Variants in TRMT44 observed in about 807,000 individuals in gnomAD.
TRMT44 encodes the protein tRNA methyltransferase 44 homolog.
In TRMT44, 78 loss-of-function variants were observed where a neutral mutation model predicts 77.3. The observed-to-expected ratio is 1.01, with a 90% confidence interval of 0.84 to 1.22. The LOEUF is 1.22. Ranked by LOEUF, TRMT44 falls within the 50% of genes most tolerant of loss-of-function variation. The pLI is 0.00. For missense variants in TRMT44, 1,090 were observed against 964.4 expected (o/e 1.13, Z -1.73); for synonymous variants, 391 against 383.3 (o/e 1.02, Z -0.23).
At chr4:8,464,784 G>C (rs926327647) in intron 7 of TRMT44, among the ~76,000 whole-genome samples, 1 of 152,176 alleles carries the variant, frequency 6.6e-6, no homozygotes, top group African/African-American at 2.4e-5. Flanking sequence ...AAAGTAATTA[G>C]ATTCTATTGA....
chr4:8,505,659 G>A, the TRMT44 span, among the ~76,000 whole-genome samples: 41 of 152,366 alleles, frequency 2.7e-4, no homozygotes, highest in African/African-American at 9.6e-4. Flanking sequence ...TTCAGATGAG[G>A]AAGCAGAGAC....
At chr4:8,465,598 C>T (rs371546668) in intron 8 of TRMT44, 37 bp downstream of exon 8, 136 of 1,568,420 alleles carry the variant, frequency 8.7e-5, no homozygotes, top group Non-Finnish European at 9.0e-5. Context: ...GGCGGTGTGT[C>T]GGTGTTCAGA....
chr4:8,493,820 G>A (rs1728081678), downstream of TRMT44, among the ~76,000 whole-genome samples: 1 of 151,848 alleles, frequency 6.6e-6, no homozygotes, highest in Non-Finnish European at 1.5e-5. Flanking sequence ...AGCTCTGGTG[G>A]AATGGGACCT....
intron 9 of TRMT44, among the ~76,000 whole-genome samples, chr4:8,470,139 G>C (rs1215549477): frequency 1.3e-5 from 2 of 152,256 alleles, no homozygotes; most frequent in Admixed American, 6.5e-5. Flanking sequence ...GGCTGACTGG[G>C]ACAATATGTG....
At chr4:8,453,230 T>A (rs944492442) in intron 5 of TRMT44, among the ~76,000 whole-genome samples, 3 of 152,210 alleles carry the variant, frequency 2.0e-5, no homozygotes, top group African/African-American at 7.2e-5. Context: ...CATGGACCTA[T>A]AAAATGACAG....
chr4:8,500,039 G>A, the TRMT44 span, among the ~76,000 whole-genome samples: 9 of 152,168 alleles, frequency 5.9e-5, no homozygotes, highest in Non-Finnish European at 1.5e-5. Flanking sequence ...ATCCAGCCTG[G>A]GCAACATAGC....
In TRMT44 at chr4:8,446,652, CA is replaced by C. The variant is rs1245390919; in HGVS notation, c.734+65del. 8.0e-7 allele frequency: 1 copy of C among 1,244,960 alleles called. No individual in the cohort carries two copies. The highest frequency in any genetic ancestry group is 1.1e-6 in the Non-Finnish European group (1 of 897,204). The allele number at this position is 1,244,960 out of a possible 1,614,324, so 77.1% of individuals were successfully genotyped here. The stretch of plus-strand genomic sequence containing the variant: ...TCCATTGAGGATTTCTTTAGGTAGC[CA>C]AAGGATTCTGGGTTGCCAGGGCTTA... On this transcript the variant is annotated intron_variant, in intron 2 of 10. Transcript: ENST00000389737. This position sits in a 1 kb window ranked among gnomAD's most constrained non-coding sequence, Gnocchi z 4.3.
chr4:8,455,733 T>C (rs931458320), intron 6 of TRMT44, among the ~76,000 whole-genome samples: 3 of 152,242 alleles, frequency 2.0e-5, no homozygotes, highest in African/African-American at 7.2e-5. Context: ...GCAAGCATGT[T>C]GTTAATGGCT....
rs764510664 is a variant in TRMT44, at chr4:8,465,473, G to A, written c.1406G>A (p.Arg469Gln). ...SRRQSKKTQY[R>Q]EYLDFIKEVG... ...AGGCAGAGTAAGAAGACTCAGTACC[G>A]GGAATACCTTGACTTCATTAAAGAA... The change falls in exon 8 of 11, where the codon CGG (arginine) becomes CAG (glutamine). Residue 469 changes from arginine to glutamine, a missense_variant. Coordinates refer to ENST00000389737, the MANE Select transcript of TRMT44 (RefSeq NM_152544.3). 11 of 1,614,004 alleles carry A rather than the reference G, an allele frequency of 6.8e-6. No individual in the cohort carries two copies. Among genetic ancestry groups the A allele is most frequent in the East Asian group, 4.5e-5 (2 of 44,892 alleles).
At chr4:8,482,410 C>G (rs532139129) in intron 2 of TRMT44, 2 of 152,342 alleles carry the variant, frequency 1.3e-5, no homozygotes, top group South Asian at 2.1e-4. Flanking sequence ...CATGAGCGTC[C>G]GCGTGAAGAG....
At chr4:8,491,579 G>A (rs962920208) in intron 2 of TRMT44, among the ~76,000 whole-genome samples, 2 of 152,240 alleles carry the variant, frequency 1.3e-5, no homozygotes, top group African/African-American at 4.8e-5. Flanking sequence ...AAGGCCTGGC[G>A]AGAAATCGAG....
chr4:8,485,471 G>GT (rs1415064018), intron 2 of TRMT44, among the ~76,000 whole-genome samples: 1 of 152,232 alleles, frequency 6.6e-6, no homozygotes, highest in African/African-American at 2.4e-5. Flanking sequence ...GCTGTAGCAG[G>GT]TGAGTGATAA....
Position 8,465,389 on chromosome 4 carries a change from A to G in TRMT44, c.1322A>G (p.Asn441Ser), listed in dbSNP as rs1726462764. The G allele has an allele frequency of 1.2e-6, 2 of 1,611,670 alleles. No homozygotes were observed. Residue 441 changes from asparagine to serine, a missense_variant, in exon 8 of 11, where the codon AAT becomes AGT. Transcript: ENST00000389737. Reference sequence around the variant, plus strand: ...GGTTCTTTTTGAAGGTCTTCCTACAATTGCCGCTTCTTTGTCCTCCCCTGC... The same window carrying G: ...GGTTCTTTTTGAAGGTCTTCCTACAGTTGCCGCTTCTTTGTCCTCCCCTGC... Reference protein sequence around the residue: ...IPVIAARSSYNCRFFVLPCCF... With the variant: ...IPVIAARSSYSCRFFVLPCCF...
At chr4:8,490,121 A>G (rs1193111406) in intron 2 of TRMT44, among the ~76,000 whole-genome samples, 2 of 152,044 alleles carry the variant, frequency 1.3e-5, no homozygotes, top group African/African-American at 2.4e-5. Context: ...GTGTGATTTC[A>G]TCTCTGCCCA....
chr4:8,495,929 C>T (rs1192314574), downstream of TRMT44, among the ~76,000 whole-genome samples: 6 of 152,192 alleles, frequency 3.9e-5, no homozygotes, highest in South Asian at 8.3e-4. Context: ...TCAGACTGGT[C>T]GTGGGCGGGG....
chr4:8,463,992 C>G lies in TRMT44; in HGVS notation c.1211C>G (p.Ala404Gly). The G allele has an allele frequency of 6.2e-7, 1 of 1,613,018 alleles. No individual in the cohort carries two copies. Among genetic ancestry groups the G allele is most frequent in the African/African-American group, 1.3e-5 (1 of 74,986 alleles). Reference sequence around the variant, plus strand: ...GTTTTGTTATTCCTTTAGGAAGATGCAATCACACCCAATGATAAGACCCTT... The same window carrying G: ...GTTTTGTTATTCCTTTAGGAAGATGGAATCACACCCAATGATAAGACCCTT... ...YGPQTQLEED[A>G]ITPNDKTLFP... is the part of the protein sequence containing the mutation. Residue 404 changes from alanine to glycine, a missense_variant, in exon 7 of 11, where the codon GCA (alanine) becomes GGA (glycine). Transcript: ENST00000389737.
At chr4:8,470,347 G>A (rs1000816614) in intron 9 of TRMT44, among the ~76,000 whole-genome samples, 33 of 152,188 alleles carry the variant, frequency 2.2e-4, no homozygotes, top group Admixed American at 1.2e-3. Context: ...ACAGACAGGC[G>A]CCGTCTCCTC....
In TRMT44 at chr4:8,451,826, C is replaced by A; in HGVS notation, c.955-134C>A. 5.2e-6 allele frequency: 4 copies of A among 764,316 alleles called. No homozygotes were observed. Among genetic ancestry groups the A allele is most frequent in the Non-Finnish European group, 8.6e-6 (4 of 463,778 alleles). 47.3% of individuals were successfully genotyped at this position (764,316 alleles called of 1,614,324 possible). The stretch of plus-strand genomic sequence containing the variant: ...GTAAGAAACCAGTTGTGAATTCCTG[C>A]CTTTGAGCTTATGTTTCCTATTTTA... On this transcript the variant is annotated intron_variant, in intron 3 of 10. Coordinates refer to ENST00000389737, the MANE Select transcript of TRMT44 (RefSeq NM_152544.3). This position sits in a 1 kb window ranked among gnomAD's most constrained non-coding sequence, Gnocchi z 4.1.
the TRMT44 span, among the ~76,000 whole-genome samples, chr4:8,508,192 A>T: frequency 3.5e-4 from 54 of 152,258 alleles, no homozygotes; most frequent in East Asian, 8.5e-3. Flanking sequence ...CAGGCATGAG[A>T]CACTATACCT....
Sources: allele counts gnomAD v4.1 joint callset (sites outside exome capture counted in the v4.1 genomes callset), GRCh38; gene constraint gnomAD v4.1.1; non-coding constraint Gnocchi (gnomAD v3.1); transcripts MANE v1.5; gene names NCBI Gene and HGNC (gene_info 2026-07-23, HGNC 2026-07-21).